UPF2: variants seen among roughly 807,000 people sequenced by gnomAD.
UPF2 encodes the protein UPF2 regulator of nonsense mediated mRNA decay.
A neutral mutation model predicts 141.4 loss-of-function variants in UPF2; 17 were observed. That is an observed-to-expected ratio of 0.12 (90% CI 0.08 to 0.18). The LOEUF (loss-of-function observed/expected upper bound fraction) is 0.18. UPF2 is among the 10% of genes least tolerant of loss of function. UPF2 has a pLI of 1.00. For missense variants in UPF2, 1,152 were observed against 1,515.9 expected (o/e 0.76, Z 3.99); for synonymous variants, 540 against 498.0 (o/e 1.08, Z -1.12).
rs1289760819 is a variant in UPF2, at chr10:11,998,618, C to T, written c.1759-861G>A. On this transcript the variant is annotated intron_variant, in intron 7 of 21. Transcript: ENST00000357604. This position sits in a 1 kb window ranked among gnomAD's most constrained non-coding sequence, Gnocchi z 4.5. Reference sequence around the variant, plus strand: ...CTGTAATTCTAGCACTCTGGGAGGCCGAGGTGGGTGGATCACGTGAGGTCA... The same window carrying T: ...CTGTAATTCTAGCACTCTGGGAGGCTGAGGTGGGTGGATCACGTGAGGTCA... Among the ~76,000 whole-genome samples the T allele has an allele frequency of 6.6e-6, 1 of 152,024 alleles. No homozygotes were observed. Among genetic ancestry groups the T allele is most frequent in the Non-Finnish European group, 1.5e-5 (1 of 68,006 alleles).
chr10:11,935,558 A>G lies in UPF2; in HGVS notation c.3546+987T>C, dbSNP rs1832838979. On this transcript the variant is annotated intron_variant, in intron 19 of 21. Transcript: ENST00000357604. This position sits in a 1 kb window ranked among gnomAD's most constrained non-coding sequence, Gnocchi z 4.9. Reference sequence around the variant, plus strand: ...TTCATGGACTCTAAGAAGCAACTTGATCTCAGAAATGTTAAGATGTAAACA... The same window carrying G: ...TTCATGGACTCTAAGAAGCAACTTGGTCTCAGAAATGTTAAGATGTAAACA... Among the ~76,000 whole-genome samples the G allele has an allele frequency of 6.6e-6, 1 of 152,212 alleles. No homozygotes were observed. The highest frequency in any genetic ancestry group is 6.5e-5 in the Admixed American group (1 of 15,284).
intron 2 of UPF2, among the ~76,000 whole-genome samples, chr10:12,032,178 C>A (rs1318005521): frequency 6.6e-6 from 1 of 151,956 alleles, no homozygotes; most frequent in Non-Finnish European, 1.5e-5. Context: ...CCTGTAATCC[C>A]AGCTACTCGG....
chr10:11,948,520 A>G lies in UPF2; in HGVS notation c.3035-12T>C, dbSNP rs1261345555. 6.2e-7 allele frequency: 1 copy of G among 1,609,818 alleles called. No individual in the cohort carries two copies. Among genetic ancestry groups the G allele is most frequent in the African/African-American group, 1.3e-5 (1 of 74,746 alleles). On this transcript the variant is annotated splice_polypyrimidine_tract_variant and intron_variant, in intron 15 of 21. Transcript: ENST00000357604. Reference sequence around the variant, plus strand: ...GTCATTTACTAGGCCTTGAAATGAGAAGGTGGAAATGGAAAAATACATTAA... The same window carrying G: ...GTCATTTACTAGGCCTTGAAATGAGGAGGTGGAAATGGAAAAATACATTAA...
intron 20 of UPF2, among the ~76,000 whole-genome samples, chr10:11,930,191 C>T (rs1832765781): frequency 6.6e-6 from 1 of 152,200 alleles, no homozygotes; most frequent in African/African-American, 2.4e-5. Flanking sequence ...ACCCAATGTT[C>T]CCTTTACTAT....
At chr10:12,015,332 T>C (rs926032905) in intron 3 of UPF2, among the ~76,000 whole-genome samples, 2 of 152,214 alleles carry the variant, frequency 1.3e-5, no homozygotes, top group Admixed American at 1.3e-4. Flanking sequence ...TACTTATTCT[T>C]CCCAGATTAT....
intron 20 of UPF2, 115 bp from the exon 21 acceptor site, chr10:11,930,100 T>A: frequency 7.0e-7 from 1 of 1,419,928 alleles, no homozygotes; most frequent in Non-Finnish European, 9.6e-7. Flanking sequence ...GGGAGCTGAC[T>A]AAAGAAAAAT....
intron 15 of UPF2, among the ~76,000 whole-genome samples, chr10:11,949,488 TC>T (rs1299082937): frequency 1.3e-5 from 2 of 152,226 alleles, no homozygotes; most frequent in African/African-American, 4.8e-5. Context: ...ACTTACAGCA[TC>T]TTACATTTGA....
Position 11,956,414 on chromosome 10 carries a change from A to G in UPF2, c.2480T>C (p.Val827Ala), listed in dbSNP as rs200704685. The G allele has an allele frequency of 9.1e-5, 147 of 1,614,062 alleles. No homozygotes were observed. Among genetic ancestry groups the G allele is most frequent in the Non-Finnish European group, 1.2e-4 (140 of 1,180,014 alleles). The change falls in exon 13 of 22, where the codon GTA (valine) becomes GCA (alanine). Residue 827 changes from valine (V) to alanine (A), a missense_variant. Val to Ala is a moderately conservative substitution (Grantham distance 64, BLOSUM62 0). Transcript: ENST00000357604. This position sits in a 1 kb window ranked among gnomAD's most constrained non-coding sequence, Gnocchi z 4.2. The stretch of plus-strand genomic sequence containing the variant: ...CACTAGTCCTGCTAAGAGGTTGGCT[A>G]CACAATGAATACTATTATATTTCAC... ...WNVKYNSIHC[V>A]ANLLAGLVLY...
chr10:11,931,846 C>T lies in UPF2; in HGVS notation c.3547-64G>A. The stretch of plus-strand genomic sequence containing the variant: ...AACACTGAGAGAAAGAAAAAACAGA[C>T]TTCAAATAAAATAGCAAGTACAGGC... On this transcript the variant is annotated intron_variant, in intron 19 of 21. Transcript: ENST00000357604. This position sits in a 1 kb window ranked among gnomAD's most constrained non-coding sequence, Gnocchi z 5.9. The T allele has an allele frequency of 3.9e-6, 6 of 1,536,648 alleles. No individual in the cohort carries two copies. The highest frequency in any genetic ancestry group is 5.2e-6 in the Non-Finnish European group (6 of 1,143,686).
At chr10:11,929,564 G>A (rs1307647133) in intron 21 of UPF2, among the ~76,000 whole-genome samples, 1 of 152,004 alleles carries the variant, frequency 6.6e-6, no homozygotes, top group Non-Finnish European at 1.5e-5. Flanking sequence ...TTGAGCCCAG[G>A]AGGGTGAGGC....
rs1249897199 is a variant in UPF2, at chr10:11,952,242, A to G, written c.2858T>C (p.Val953Ala). Reference sequence around the variant, plus strand: ...AACCTCCAAACTTTTCTTCCACCAAACATAACGCTGATAACAAATGAAAAA... The same window carrying G: ...AACCTCCAAACTTTTCTTCCACCAAGCATAACGCTGATAACAAATGAAAAA... ...DCFLVYFQRY[V>A]WWKKSLEVWT... The change falls in exon 15 of 22, where the codon GTT becomes GCT. Residue 953 changes from valine to alanine, a missense_variant. Val to Ala is a moderately conservative substitution (Grantham distance 64, BLOSUM62 0). Transcript: ENST00000357604. 1.3e-6 allele frequency: 2 copies of G among 1,591,812 alleles called. No homozygotes were observed. The highest frequency in any genetic ancestry group is 4.5e-5 in the East Asian group (2 of 44,680).
rs1244402909 is a variant in UPF2, at chr10:11,935,219, C to A, written c.3546+1326G>T. The stretch of plus-strand genomic sequence containing the variant: ...TTTCTATCCTCTTACCCTGCTTTAT[C>A]CTCCTTGGTAGCCATCCCAACGTGA... On this transcript the variant is annotated intron_variant, in intron 19 of 21. Transcript: ENST00000357604. This position sits in a 1 kb window ranked among gnomAD's most constrained non-coding sequence, Gnocchi z 4.9. 1.3e-5 allele frequency among the ~76,000 whole-genome samples: 2 copies of A among 152,106 alleles called. No individual in the cohort carries two copies. The highest frequency in any genetic ancestry group is 2.1e-4 in the South Asian group (1 of 4,814).
intron 10 of UPF2, among the ~76,000 whole-genome samples, chr10:11,966,487 TG>T (rs1375364672): frequency 9.2e-5 from 14 of 152,166 alleles, no homozygotes; most frequent in Admixed American, 3.3e-4. Context: ...TGCAATGGTG[TG>T]ATCTTGGCGC....
rs918573064 is a variant in UPF2 at position 12,019,776 on chromosome 10, T to C, written c.1146-5592A>G. Among the ~76,000 whole-genome samples, 3 of 152,008 alleles carry C rather than the reference T, an allele frequency of 2.0e-5. No individual in the cohort carries two copies. Among genetic ancestry groups the C allele is most frequent in the Non-Finnish European group, 4.4e-5 (3 of 68,006 alleles). ...TCTCGCTCTGCTGCCCAGGCTGGAG[T>C]GTAGTGGTGCAATCTGAGCTCACTG... is the stretch of plus-strand genomic sequence containing the variant. On this transcript the variant is annotated intron_variant, in intron 3 of 21. Transcript: ENST00000357604. The surrounding 1 kb of genome is among the most constrained non-coding windows in gnomAD (Gnocchi z 4.5).
chr10:12,034,393 G>A (rs1834584356), intron 2 of UPF2, among the ~76,000 whole-genome samples: 1 of 151,832 alleles, frequency 6.6e-6, no homozygotes, highest in South Asian at 2.1e-4. Context: ...CACAGTCTTG[G>A]CTCACTGCAA....
chr10:11,977,089 T>C (rs1379496879), intron 9 of UPF2, among the ~76,000 whole-genome samples: 2 of 152,098 alleles, frequency 1.3e-5, no homozygotes, highest in South Asian at 2.1e-4. Context: ...GGAAAAACAC[T>C]GGTGGTCTCT....
chr10:12,021,199 T>C (rs953804950), intron 3 of UPF2, among the ~76,000 whole-genome samples: 1 of 152,144 alleles, frequency 6.6e-6, no homozygotes, highest in Non-Finnish European at 1.5e-5. Context: ...CTTCAAAATA[T>C]AGGCATTTAT....
rs371735447 is a variant in UPF2, at chr10:11,979,012, C to T, written c.1953+45G>A. The T allele has an allele frequency of 1.7e-4, 237 of 1,423,382 alleles. 1 individual carries two copies. The highest frequency in any genetic ancestry group is 1.4e-3 in the African/African-American group (97 of 69,824). The allele number at this position is 1,423,382 out of a possible 1,614,324, so 88.2% of individuals were successfully genotyped here. On this transcript the variant is annotated intron_variant, in intron 9 of 21. Transcript: ENST00000357604. The surrounding 1 kb of genome is among the most constrained non-coding windows in gnomAD (Gnocchi z 6.2). ...ACATTCTTAAAGAATCCTCACTCAA[C>T]GTATAAGAATATAAATATTTCAAAA...
At chr10:11,924,320 A>AT (rs1190053597) in intron 21 of UPF2, among the ~76,000 whole-genome samples, 2 of 152,224 alleles carry the variant, frequency 1.3e-5, no homozygotes, top group Non-Finnish European at 2.9e-5. Flanking sequence ...GCTGACACCT[A>AT]TAATCCCAGC....
Sources: allele counts gnomAD v4.1 joint callset (sites outside exome capture counted in the v4.1 genomes callset), GRCh38; gene constraint gnomAD v4.1.1; non-coding constraint Gnocchi (gnomAD v3.1); transcripts MANE v1.5; gene names NCBI Gene and HGNC (gene_info 2026-07-23, HGNC 2026-07-21).